HDAC9: variants seen among roughly 807,000 people sequenced by gnomAD.
HDAC9 encodes histone deacetylase 9.
Under a neutral mutation model 139.4 loss-of-function variants are expected in HDAC9, and 41 were observed. The ratio of observed to expected loss-of-function variants is 0.29; its 90% CI spans 0.23 to 0.38. The LOEUF (loss-of-function observed/expected upper bound fraction) is 0.38. Ranked by LOEUF, HDAC9 falls within the 10% of genes least tolerant of loss-of-function variation. The probability of loss-of-function intolerance (pLI) is 1.00; values close to 1 mark genes in which losing one functional copy is unlikely to be tolerated. For missense variants in HDAC9, 1,147 were observed against 1,297.0 expected, an observed-to-expected ratio of 0.88 and a Z score of 1.78; for synonymous variants, 517 against 476.2, an observed-to-expected ratio of 1.09 and a Z score of -1.12.
chr7:18,784,677 A>G (rs1791544380), intron 16 of HDAC9, among the ~76,000 whole-genome samples: 1 of 152,100 alleles, frequency 6.6e-6, no homozygotes, highest in Admixed American at 6.6e-5. Flanking sequence ...TCACAGTGGA[A>G]TAAAGAAATG....
At chr7:18,434,672 AAATC>A (rs1288128252) in intron 1 of HDAC9, among the ~76,000 whole-genome samples, 1 of 152,222 alleles carries the variant, frequency 6.6e-6, no homozygotes, top group Admixed American at 6.5e-5. Context: ...AGAGAAATGA[AAATC>A]AAAACTACAA....
chr7:18,996,619 C>T lies in HDAC9; in HGVS notation c.*557C>T, dbSNP rs946822628. 5.2e-5 allele frequency: 8 copies of T among 152,758 alleles called. No individual in the cohort carries two copies. Among genetic ancestry groups the T allele is most frequent in the African/African-American group, 1.9e-4 (8 of 41,446 alleles). The allele number at this position is 152,758 out of a possible 1,614,324, so 9.5% of individuals were successfully genotyped here. On this transcript the variant is annotated 3_prime_UTR_variant, in exon 26 of 26. Coordinates refer to ENST00000686413, the MANE Select transcript of HDAC9 (RefSeq NM_178425.4). ...GTTAGGGTTTTTTTCTCAACTTTAA[C>T]ACACAGTTCAACTGTTCCTAGTAAA...
At chr7:18,747,711 C>T (rs1788102476) in intron 13 of HDAC9, among the ~76,000 whole-genome samples, 1 of 152,060 alleles carries the variant, frequency 6.6e-6, no homozygotes, top group Admixed American at 6.6e-5. Context: ...AGTTTGAAGC[C>T]ATTTGAGTCC....
intron 16 of HDAC9, among the ~76,000 whole-genome samples, chr7:18,774,003 A>G (rs913765788): frequency 2.6e-5 from 4 of 151,762 alleles, no homozygotes; most frequent in African/African-American, 9.7e-5. Context: ...TTTTTTTTCA[A>G]AATTCAAAAC....
chr7:18,357,891 G>A (rs575595766), intron 1 of HDAC9, among the ~76,000 whole-genome samples: 23 of 152,292 alleles, frequency 1.5e-4, no homozygotes, highest in Admixed American at 3.3e-4. Context: ...GAGGAGCTTG[G>A]ATTTGTTTCT....
At chr7:18,604,819 C>T (rs801511) in intron 6 of HDAC9, among the ~76,000 whole-genome samples, 136,823 of 152,246 alleles carry the variant, frequency 0.9, 61,551 homozygotes, top group South Asian at 0.96. Context: ...TTGCCAACTT[C>T]CCATTAGAAC....
At chr7:18,880,845 G>GC (rs1771719011) in intron 22 of HDAC9, among the ~76,000 whole-genome samples, 1 of 6,574 alleles carries the variant, frequency 1.5e-4, no homozygotes, top group African/African-American at 2.4e-4. Flanking sequence ...ATAGTTGCCG[G>GC]GGGGGGGGGA....
intron 16 of HDAC9, among the ~76,000 whole-genome samples, chr7:18,788,435 GT>G (rs745576133): frequency 6.6e-6 from 1 of 152,112 alleles, no homozygotes; most frequent in Non-Finnish European, 1.5e-5. Flanking sequence ...GGTGGCCACA[GT>G]TTAGTGTAGA....
At chr7:18,782,698 C>T (rs951004253) in intron 16 of HDAC9, among the ~76,000 whole-genome samples, 1 of 63,824 alleles carries the variant, frequency 1.6e-5, no homozygotes, top group Non-Finnish European at 4.5e-5. Context: ...AAGCAAAATG[C>T]GGGGATTTTT....
intron 1 of HDAC9, among the ~76,000 whole-genome samples, chr7:18,399,295 T>C (rs191746735): frequency 2.0e-5 from 3 of 152,222 alleles, no homozygotes; most frequent in African/African-American, 7.2e-5. Context: ...CCCACCCTTC[T>C]GTACCAGATT....
chr7:18,818,513 A>G (rs1308174689), intron 17 of HDAC9, among the ~76,000 whole-genome samples: 2 of 152,242 alleles, frequency 1.3e-5, no homozygotes, highest in African/African-American at 4.8e-5. Flanking sequence ...AATGTCACAT[A>G]GACTTACTAT....
intron 2 of HDAC9, among the ~76,000 whole-genome samples, chr7:18,276,021 T>C (rs966667107): frequency 6.6e-6 from 1 of 152,184 alleles, no homozygotes. Context: ...GTTTAATAAA[T>C]GATTGAATGA....
chr7:18,656,583 T>G (rs889410403), intron 11 of HDAC9, among the ~76,000 whole-genome samples: 9 of 152,274 alleles, frequency 5.9e-5, no homozygotes, highest in Non-Finnish European at 1.2e-4. Flanking sequence ...AACCTTTTTG[T>G]TTAATAATTC....
chr7:18,804,790 A>T (rs1276161831), intron 17 of HDAC9, among the ~76,000 whole-genome samples: 1 of 152,056 alleles, frequency 6.6e-6, no homozygotes, highest in Non-Finnish European at 1.5e-5. Flanking sequence ...TTGATGGAAG[A>T]TTCTTTTCTT....
intron 1 of HDAC9, among the ~76,000 whole-genome samples, chr7:18,156,365 A>G (rs575653874): frequency 7.7e-4 from 117 of 152,262 alleles, no homozygotes; most frequent in African/African-American, 2.8e-3. Flanking sequence ...CCATGAAGGC[A>G]CCCATCCCAC....
chr7:18,370,765 C>G (rs1784535096), intron 1 of HDAC9, among the ~76,000 whole-genome samples: 1 of 152,104 alleles, frequency 6.6e-6, no homozygotes, highest in South Asian at 2.1e-4. Flanking sequence ...ACTATTTGTT[C>G]TCTTCTAGAT....
At chr7:18,103,653 G>A (rs967985760) in intron 1 of HDAC9, among the ~76,000 whole-genome samples, 3 of 152,118 alleles carry the variant, frequency 2.0e-5, no homozygotes, top group African/African-American at 7.2e-5. Context: ...CTCACTTATC[G>A]TTATGGATAG....
At chr7:18,671,853 T>C (rs1795695058) in intron 12 of HDAC9, among the ~76,000 whole-genome samples, 1 of 152,030 alleles carries the variant, frequency 6.6e-6, no homozygotes. Context: ...CTTCTTTCCT[T>C]ATGCAGAAGA....
chr7:18,337,285 A>G (rs1344923452), intron 1 of HDAC9, among the ~76,000 whole-genome samples: 1 of 151,660 alleles, frequency 6.6e-6, no homozygotes, highest in Non-Finnish European at 1.5e-5. Context: ...TAGCAGTTCT[A>G]CTGAAATTGG....
Sources: allele counts gnomAD v4.1 joint callset (sites outside exome capture counted in the v4.1 genomes callset), GRCh38; gene constraint gnomAD v4.1.1; transcripts MANE v1.5; gene names NCBI Gene and HGNC (gene_info 2026-07-23, HGNC 2026-07-21).